Variants in BRWD1 observed in about 807,000 individuals in gnomAD.
The protein encoded by BRWD1 is bromodomain and WD repeat domain containing 1.
BRWD1 carries 82 observed loss-of-function variants against 251.2 expected under a neutral mutation model. The ratio of observed to expected loss-of-function variants is 0.33; its 90% CI spans 0.27 to 0.39. The LOEUF (loss-of-function observed/expected upper bound fraction) is 0.39, where lower values mean the gene tolerates loss of function less well. Ranked by LOEUF, BRWD1 falls within the 10% of genes least tolerant of loss-of-function variation. BRWD1 has a pLI of 1.00. For missense variants in BRWD1, 2,233 were observed against 2,711.6 expected, an observed-to-expected ratio of 0.82 and a Z score of 3.92; for synonymous variants, 918 against 902.8, an observed-to-expected ratio of 1.02 and a Z score of -0.30.
chr21:39,311,375 G>C (rs1280290276), intron 4 of BRWD1, among the ~76,000 whole-genome samples: 2 of 152,040 alleles, frequency 1.3e-5, no homozygotes, highest in African/African-American at 2.4e-5. Context: ...GAGTTGGTCT[G>C]AACTCCTGGC....
rs146657926 is a variant in BRWD1, at chr21:39,206,142, A to G, written c.4330T>C (p.Cys1444Arg). 260 of 1,613,066 alleles carry G rather than the reference A, an allele frequency of 1.6e-4. No homozygotes were observed. In the East Asian group the frequency reaches 4.2e-3, roughly 26 times the overall value. Residue 1444 changes from cysteine (C) to arginine (R), a missense_variant, in exon 37 of 41, where the codon TGT (cysteine) becomes CGT (arginine). Cys to Arg is a radical substitution (Grantham distance 180). This residue lies in a region of BRWD1 where 928 missense variants were observed against 970.0 expected (regional missense o/e 0.96). Transcript: ENST00000342449. ...TTGTTAGGCTGACTGTCACCTTTAC[A>G]ATTTTGCCGTTGCTTGAACCTCTGG... ...RSQRFKQRQN[C>R]KGDSQPNKSI...
At chr21:39,311,906 A>G (rs2036496514) in intron 4 of BRWD1, among the ~76,000 whole-genome samples, 1 of 152,142 alleles carries the variant, frequency 6.6e-6, no homozygotes, top group South Asian at 2.1e-4. Flanking sequence ...ACCATACTCT[A>G]CCACTCAAGT....
At position 39,190,576 on chromosome 21, in the gene BRWD1, A is replaced by G; in HGVS notation, c.*5683T>C. On this transcript the variant is annotated 3_prime_UTR_variant, in exon 41 of 41. Transcript: ENST00000342449. ...CCTTTTATCAGAAAAGACTTGAGAT[A>G]TTCTCTCCTCTGTCTGCCCTTCATT... 1 of 985,350 alleles carries G rather than the reference A, an allele frequency of 1.0e-6. No homozygotes were observed. Among genetic ancestry groups the G allele is most frequent in the Non-Finnish European group, 1.2e-6 (1 of 829,912 alleles). 61.0% of individuals were successfully genotyped at this position (985,350 alleles called of 1,614,324 possible).
Position 39,202,384 on chromosome 21 carries a change from G to A in BRWD1, c.4526C>T (p.Ala1509Val), listed in dbSNP as rs1568860580. 6.2e-7 allele frequency: 1 copy of A among 1,613,834 alleles called. No homozygotes were observed. Among genetic ancestry groups the A allele is most frequent in the Non-Finnish European group, 8.5e-7 (1 of 1,179,810 alleles). ...GVTSGDSSDS[A>V]ESSERRKRNR... ...TCTTTTCCTCCTTTCTGATGATTCT[G>A]CTGAATCTGAAGAGTCACCAGAAGT... The change falls in exon 38 of 41, where the codon GCA becomes GTA. Residue 1509 changes from alanine to valine, a missense_variant. Coordinates refer to ENST00000342449, the MANE Select transcript of BRWD1 (RefSeq NM_033656.4).
At position 39,192,585 on chromosome 21, in the gene BRWD1, A is replaced by C. The variant is rs909444305; in HGVS notation, c.*3674T>G. 3.0e-6 allele frequency: 3 copies of C among 984,132 alleles called. No homozygotes were observed. In the African/African-American group the frequency reaches 5.2e-5, roughly 17 times the overall value. The allele number at this position is 984,132 out of a possible 1,614,324, so 61.0% of individuals were successfully genotyped here. ...TATAATTTCCATACAACATAAGAAAACTACAGTATTTGGTGACAACTGCAA... is the reference window on the plus strand; with the variant it reads ...TATAATTTCCATACAACATAAGAAACCTACAGTATTTGGTGACAACTGCAA... On this transcript the variant is annotated 3_prime_UTR_variant, in exon 41 of 41. Transcript: ENST00000342449.
Position 39,195,109 on chromosome 21 carries a change from T to G in BRWD1, c.*1150A>C. On this transcript the variant is annotated 3_prime_UTR_variant, in exon 41 of 41. Transcript: ENST00000342449. ...TATAAAATTATTTTCCCACAAAACA[T>G]GACAGTTTCTTATATTTGGACTAGA... is the stretch of plus-strand genomic sequence containing the variant. 1.7e-6 allele frequency: 2 copies of G among 1,185,572 alleles called. No homozygotes were observed. Among genetic ancestry groups the G allele is most frequent in the Admixed American group, 8.5e-5 (2 of 23,478 alleles). The allele number at this position is 1,185,572 out of a possible 1,614,324, so 73.4% of individuals were successfully genotyped here.
In BRWD1 at chr21:39,262,020, C is replaced by T. The variant is rs79530886; in HGVS notation, c.1885+2440G>A. Among the ~76,000 whole-genome samples, 645 of 152,238 alleles carry T rather than the reference C, an allele frequency of 4.2e-3. 5 individuals are homozygous for T. The highest frequency in any genetic ancestry group is 0.015 in the African/African-American group (607 of 41,548). ...CCTAATCCAAAACAAGTTGAATTGG[C>T]TATATTAATATGAAATAAGACTCTT... On this transcript the variant is annotated intron_variant, in intron 17 of 40. Transcript: ENST00000342449.
rs1347549468 is a variant in BRWD1 at position 39,193,204 on chromosome 21, T to C, written c.*3055A>G. The C allele has an allele frequency of 1.0e-6, 1 of 985,076 alleles. No individual in the cohort carries two copies. The highest frequency in any genetic ancestry group is 1.7e-5 in the African/African-American group (1 of 57,334). The allele number at this position is 985,076 out of a possible 1,614,324, so 61.0% of individuals were successfully genotyped here. A position where few individuals can be genotyped will look rare whatever the true frequency, so the allele number is the denominator to read the frequency against. ...CCAATTTCCTCTTTAGGTGCAGCTC[T>C]ACTATTTGAAAGGAACCTTTCTGTT... On this transcript the variant is annotated 3_prime_UTR_variant, in exon 41 of 41. Transcript: ENST00000342449.
chr21:39,244,539 G>A (rs1249947144), intron 21 of BRWD1, among the ~76,000 whole-genome samples: 1 of 152,156 alleles, frequency 6.6e-6, no homozygotes, highest in Non-Finnish European at 1.5e-5. Flanking sequence ...ATAATAAAAT[G>A]CATTAATGTT....
chr21:39,277,290 A>C lies in BRWD1; in HGVS notation c.1065T>G (p.Phe355Leu). The C allele has an allele frequency of 3.1e-6, 5 of 1,611,588 alleles. No individual in the cohort carries two copies. Among genetic ancestry groups the C allele is most frequent in the Non-Finnish European group, 4.2e-6 (5 of 1,178,772 alleles). Residue 355 changes from phenylalanine (F) to leucine (L), a missense_variant, in exon 11 of 41, where the codon TTT becomes TTG. Phe to Leu is a conservative substitution (Grantham distance 22). Around this residue, in one of 12 missense-constraint regions of BRWD1, gnomAD observed 315 missense variants for 421.8 expected, o/e 0.75. Coordinates refer to ENST00000342449, the MANE Select transcript of BRWD1 (RefSeq NM_033656.4). ...GTTCTGCGATTTTTTCGGGTGCTTCAAAACCCAAAAAATACATTCTGATTA... is the reference window on the plus strand; with the variant it reads ...GTTCTGCGATTTTTTCGGGTGCTTCCAAACCCAAAAAATACATTCTGATTA... ...DHVIRMYFLG[F>L]EAPEKIAELE...
At chr21:39,258,411 AC>A (rs1469145161) in intron 18 of BRWD1, 75 bp downstream of exon 18, 45 of 1,249,318 alleles carry the variant, frequency 3.6e-5, no homozygotes, top group Non-Finnish European at 4.6e-5. Flanking sequence ...CATTACATGT[AC>A]CTGACAAAGA....
intron 4 of BRWD1, among the ~76,000 whole-genome samples, chr21:39,306,312 AC>A (rs1377361437): frequency 2.6e-5 from 4 of 151,640 alleles, no homozygotes; most frequent in African/African-American, 9.7e-5. Flanking sequence ...CTTGTGATCC[AC>A]CCGCCTCAGC....
At chr21:39,255,939 G>C (rs1170236824) in intron 18 of BRWD1, 111 bp from the exon 19 acceptor site, 7 of 959,210 alleles carry the variant, frequency 7.3e-6, no homozygotes, top group Admixed American at 2.7e-5. Context: ...AAAGAACTAA[G>C]AGAAGATAGT....
At chr21:39,319,381 C>T (rs893432097) in intron 1 of BRWD1, among the ~76,000 whole-genome samples, 3 of 152,172 alleles carry the variant, frequency 2.0e-5, no homozygotes, top group African/African-American at 7.2e-5. Context: ...TGTCTGTCTC[C>T]AAGTCTTACT....
chr21:39,265,115 C>A, intron 15 of BRWD1, 96 bp from the exon 16 acceptor site: 1 of 1,287,890 alleles, frequency 7.8e-7, no homozygotes, highest in Non-Finnish European at 1.0e-6. Flanking sequence ...ACAATATATC[C>A]CTTCTGAAAA....
chr21:39,229,545 G>A (rs1244380400), intron 25 of BRWD1, 109 bp from the exon 26 acceptor site: 21 of 1,046,168 alleles, frequency 2.0e-5, no homozygotes, highest in African/African-American at 4.9e-5. Flanking sequence ...TTCCAAACCC[G>A]CAGACAAGTT....
chr21:39,230,158 G>A (rs2033553493), intron 25 of BRWD1, among the ~76,000 whole-genome samples: 1 of 152,192 alleles, frequency 6.6e-6, no homozygotes, highest in African/African-American at 2.4e-5. Flanking sequence ...CATTCAGTAA[G>A]TAATATTTGT....
At chr21:39,274,495 CT>C in intron 12 of BRWD1, 23 bp from the exon 13 acceptor site, 1 of 1,561,648 alleles carries the variant, frequency 6.4e-7, no homozygotes, top group Non-Finnish European at 8.8e-7. Context: ...AGAACAGGAT[CT>C]TACTATATTC....
At chr21:39,212,846 C>G (rs960202139) in intron 33 of BRWD1, 139 bp from the exon 34 acceptor site, 1 of 572,040 alleles carries the variant, frequency 1.7e-6, no homozygotes, top group Admixed American at 3.7e-5. Context: ...CAAAGAAAGA[C>G]TACCAGATGA....
Sources: gnomAD v4.1 joint callset for allele counts (sites outside exome capture counted in the v4.1 genomes callset) on GRCh38, gnomAD v4.1.1 for gene constraint, gnomAD v4.1.1 regional missense constraint, MANE v1.5 for transcripts, NCBI Gene and HGNC (gene_info 2026-07-23, HGNC 2026-07-21) for gene names.